NCAM2: variants seen among roughly 807,000 people sequenced by gnomAD.
NCAM2 encodes N-CAM-2.
In NCAM2, 30 loss-of-function variants were observed where a neutral mutation model predicts 98.1. That is an observed-to-expected ratio of 0.31 (90% CI 0.23 to 0.41). NCAM2 has a LOEUF of 0.41. Ranked by LOEUF, NCAM2 falls within the 10% of genes least tolerant of loss-of-function variation. The probability of loss-of-function intolerance (pLI) is 1.00; values close to 1 mark genes in which losing one functional copy is unlikely to be tolerated. For synonymous variants in NCAM2, 368 were observed against 342.4 expected (o/e 1.07, Z -0.83); for missense variants, 867 against 1,005.8 (o/e 0.86, Z 1.87).
chr21:21,080,668 AAAAAAAAAAAAAC>A (rs1430804597), intron 1 of NCAM2, among the ~76,000 whole-genome samples: 11 of 145,944 alleles, frequency 7.5e-5, no homozygotes, highest in African/African-American at 2.9e-4. Flanking sequence ...AAAAAAAAAA[AAAAAAAAAAAAAC>A]CAACATTGAT....
chr21:21,205,507 A>G (rs2069405655), intron 1 of NCAM2, among the ~76,000 whole-genome samples: 1 of 152,124 alleles, frequency 6.6e-6, no homozygotes, highest in Non-Finnish European at 1.5e-5. Flanking sequence ...ATTTTTAATA[A>G]CTAGTGACAC....
intron 1 of NCAM2, among the ~76,000 whole-genome samples, chr21:21,198,958 G>A (rs2069110378): frequency 6.6e-6 from 1 of 152,058 alleles, no homozygotes; most frequent in Non-Finnish European, 1.5e-5. Context: ...TCAGTTAAGA[G>A]CTCCTGTATG....
At chr21:21,474,119 T>C (rs1299021385) in intron 14 of NCAM2, among the ~76,000 whole-genome samples, 1 of 152,040 alleles carries the variant, frequency 6.6e-6, no homozygotes. Flanking sequence ...ACTCTACAGA[T>C]ATGCATACTT....
intron 1 of NCAM2, among the ~76,000 whole-genome samples, chr21:21,024,391 G>A (rs1285868607): frequency 8.6e-5 from 13 of 151,888 alleles, no homozygotes; most frequent in Admixed American, 3.9e-4. Flanking sequence ...CCTGGGGGGG[G>A]AAAAAACAGA....
chr21:21,438,209 C>T (rs1012514657), intron 12 of NCAM2, among the ~76,000 whole-genome samples: 7 of 151,660 alleles, frequency 4.6e-5, no homozygotes, highest in African/African-American at 1.7e-4. Context: ...ATTTTGAATA[C>T]ACTTATTGAT....
rs368746747 is a variant in NCAM2, at chr21:21,305,845, T to C, written c.619+13604T>C. Among the ~76,000 whole-genome samples, 4 of 152,300 alleles carry C rather than the reference T, an allele frequency of 2.6e-5. No homozygotes were observed. The East Asian group carries it at 7.7e-4, about 29-fold the overall frequency. ...CAAGGTTAAACCTGATAATACTGATTTGAAATCTTTCTTGTCTTCTAATGC... is the reference window on the plus strand; with the variant it reads ...CAAGGTTAAACCTGATAATACTGATCTGAAATCTTTCTTGTCTTCTAATGC... On this transcript the variant is annotated intron_variant, in intron 5 of 17. Transcript: ENST00000400546.
chr21:21,540,021 C>T lies in NCAM2; in HGVS notation c.*2064C>T, dbSNP rs1990167535. On this transcript the variant is annotated 3_prime_UTR_variant, in exon 18 of 18. Coordinates refer to ENST00000400546, the MANE Select transcript of NCAM2 (RefSeq NM_004540.5). ...AGTAAAGTGTCCATGAAGCAATAGC[C>T]ATGAATGCTAATTATTTCTAAATAG... 6.6e-6 allele frequency: 1 copy of T among 152,014 alleles called. No individual in the cohort carries two copies. Among genetic ancestry groups the T allele is most frequent in the Non-Finnish European group, 1.5e-5 (1 of 68,012 alleles). The allele number at this position is 152,014 out of a possible 1,614,324, so 9.4% of individuals were successfully genotyped here. A position where few individuals can be genotyped will look rare whatever the true frequency, so the allele number is the denominator to read the frequency against.
intron 5 of NCAM2, among the ~76,000 whole-genome samples, chr21:21,310,484 T>G (rs1490880100): frequency 6.6e-6 from 1 of 152,154 alleles, no homozygotes; most frequent in African/African-American, 2.4e-5. Context: ...GAAACAGGCA[T>G]TCCTTGAAGA....
At chr21:21,452,584 ATT>A (rs1465163344) in intron 12 of NCAM2, among the ~76,000 whole-genome samples, 5 of 87,400 alleles carry the variant, frequency 5.7e-5, no homozygotes, top group African/African-American at 7.6e-5. Context: ...TTGTATATAT[ATT>A]GTATTGTGCA....
chr21:21,207,955 G>A (rs911094720), intron 1 of NCAM2, among the ~76,000 whole-genome samples: 21 of 152,066 alleles, frequency 1.4e-4, no homozygotes, highest in Non-Finnish European at 2.9e-5. Flanking sequence ...AGTTAATTGT[G>A]CTTTTTAATG....
At position 21,343,358 on chromosome 21, in the gene NCAM2, TACAC is replaced by T. The variant is rs71195322; in HGVS notation, c.1044+4858_1044+4861del. 1.3e-3 allele frequency among the ~76,000 whole-genome samples: 154 copies of T among 120,882 alleles called. 1 individual carries two copies. The highest frequency in any genetic ancestry group is 4.7e-3 in the Middle Eastern group (1 of 212). 79.3% of individuals were successfully genotyped at this position (120,882 alleles called of 152,430 possible). A position where few individuals can be genotyped will look rare whatever the true frequency, so the allele number is the denominator to read the frequency against. On this transcript the variant is annotated intron_variant, in intron 8 of 17. Transcript: ENST00000400546. ...CCAAGTTAACAACTATCTATACACA[TACAC>T]ACACACACACACACACACACACACA...
intron 1 of NCAM2, among the ~76,000 whole-genome samples, chr21:21,101,538 G>A (rs1181261953): frequency 6.6e-6 from 1 of 151,962 alleles, no homozygotes; most frequent in African/African-American, 2.4e-5. Context: ...CTACATACTA[G>A]CTGTAACTTT....
At chr21:21,298,751 T>A (rs1320635874) in intron 5 of NCAM2, among the ~76,000 whole-genome samples, 1 of 151,678 alleles carries the variant, frequency 6.6e-6, no homozygotes, top group Non-Finnish European at 1.5e-5. Context: ...ATTTCTCTTT[T>A]ACTCAGATTT....
At chr21:21,243,863 G>T (rs181680613) in intron 1 of NCAM2, among the ~76,000 whole-genome samples, 1 of 152,236 alleles carries the variant, frequency 6.6e-6, no homozygotes, top group Admixed American at 6.5e-5. Context: ...AGATAGAGTT[G>T]ATCTTTAACA....
rs1302833969 is a variant in NCAM2 at position 21,265,429 on chromosome 21, G to A, written c.56-15149G>A. On this transcript the variant is annotated intron_variant, in intron 1 of 17. Coordinates refer to ENST00000400546, the MANE Select transcript of NCAM2 (RefSeq NM_004540.5). ...ATATGTGTATATATAATATATGTGTGTATATATATTATATATACACACATA... is the reference window on the plus strand; with the variant it reads ...ATATGTGTATATATAATATATGTGTATATATATATTATATATACACACATA... Among the ~76,000 whole-genome samples, 120 of 59,510 alleles carry A rather than the reference G, an allele frequency of 2.0e-3. 6 individuals carry two copies. Among genetic ancestry groups the A allele is most frequent in the South Asian group, 6.4e-3 (8 of 1,244 alleles). The allele number at this position is 59,510 out of a possible 152,430, so 39.0% of individuals were successfully genotyped here.
intron 1 of NCAM2, among the ~76,000 whole-genome samples, chr21:21,194,048 A>G (rs915586239): frequency 2.6e-5 from 4 of 152,300 alleles, no homozygotes; most frequent in Admixed American, 6.5e-5. Flanking sequence ...AAGCAATGAG[A>G]AAGAATGAAA....
intron 1 of NCAM2, among the ~76,000 whole-genome samples, chr21:21,142,145 A>C (rs1245820766): frequency 6.6e-6 from 1 of 152,136 alleles, no homozygotes; most frequent in Non-Finnish European, 1.5e-5. Context: ...GATGCACATA[A>C]AGCATTCTCA....
At chr21:21,404,629 G>T (rs2076699573) in intron 9 of NCAM2, among the ~76,000 whole-genome samples, 1 of 151,882 alleles carries the variant, frequency 6.6e-6, no homozygotes, top group Non-Finnish European at 1.5e-5. Flanking sequence ...TTGTGTATAT[G>T]AGTGTATATA....
At chr21:21,267,208 T>C (rs1210435918) in intron 1 of NCAM2, among the ~76,000 whole-genome samples, 4 of 152,184 alleles carry the variant, frequency 2.6e-5, no homozygotes, top group African/African-American at 9.7e-5. Context: ...CTTTTGATAC[T>C]ATTACAATTT....
Sources: allele counts gnomAD v4.1 joint callset (sites outside exome capture counted in the v4.1 genomes callset), GRCh38; gene constraint gnomAD v4.1.1; transcripts MANE v1.5; gene names NCBI Gene and HGNC (gene_info 2026-07-23, HGNC 2026-07-21).